The following HHAT variants were observed in gnomAD, a reference collection of about 807,000 sequenced individuals.
HHAT encodes hedgehog acyltransferase.
Under a neutral mutation model 70.8 loss-of-function variants are expected in HHAT, and 47 were observed. The ratio of observed to expected loss-of-function variants is 0.66; its 90% CI spans 0.53 to 0.85. HHAT has a LOEUF of 0.85. HHAT is among the 40% of genes least tolerant of loss of function. The pLI, the probability that HHAT is intolerant of heterozygous loss-of-function variation, is 0.00. For synonymous variants in HHAT, 228 were observed against 247.6 expected, an observed-to-expected ratio of 0.92 and a Z score of 0.74; for missense variants, 609 against 604.8, an observed-to-expected ratio of 1.01 and a Z score of -0.07.
chr1:210,673,588 CT>C (rs71571962), intron 11 of HHAT, among the ~76,000 whole-genome samples: 115,798 of 140,834 alleles, frequency 0.82, 47,741 homozygotes, highest in African/African-American at 0.91. Flanking sequence ...GTGGATTCTT[CT>C]TTTTTTTTTT....
intron 8 of HHAT, among the ~76,000 whole-genome samples, chr1:210,475,962 C>A (rs1349828039): frequency 2.0e-5 from 3 of 152,192 alleles, no homozygotes; most frequent in Non-Finnish European, 2.9e-5. Flanking sequence ...ATCAGAGACA[C>A]TGATATGTCC....
rs565693074 is a variant in HHAT at position 210,418,795 on chromosome 1, G to C, written c.856+470G>C. Among the ~76,000 whole-genome samples, 267 of 152,296 alleles carry C rather than the reference G, an allele frequency of 1.8e-3. 3 individuals are homozygous for C. The highest frequency in any genetic ancestry group is 6.1e-3 in the African/African-American group (255 of 41,560). ...TGCCTGTAATCCAAGCACTTTGGGA[G>C]GCTGAAGCGGGCAGATCACTTGAGG... On this transcript the variant is annotated intron_variant, in intron 7 of 11. Transcript: ENST00000261458.
At chr1:210,613,414 T>C (rs536696112) in intron 10 of HHAT, among the ~76,000 whole-genome samples, 8 of 152,356 alleles carry the variant, frequency 5.3e-5, no homozygotes, top group African/African-American at 1.9e-4. Context: ...TTTGGCCTTG[T>C]TGAAAACTAT....
At position 210,572,517 on chromosome 1, in the gene HHAT, A is replaced by C. The variant is rs1438593038; in HGVS notation, c.1044-15381A>C. On this transcript the variant is annotated intron_variant, in intron 9 of 11. Transcript: ENST00000261458. The stretch of plus-strand genomic sequence containing the variant: ...CATTTTCATTTCCAGTGTGTATTTA[A>C]GAAAGCCCAGGATACAATAGAAACG... Among the ~76,000 whole-genome samples the C allele has an allele frequency of 3.9e-5, 6 of 152,290 alleles. No homozygotes were observed. The East Asian group carries it at 1.2e-3, about 29-fold the overall frequency.
intron 7 of HHAT, 150 bp from the exon 8 acceptor site, chr1:210,464,355 G>A (rs1469686958): frequency 1.3e-6 from 1 of 754,142 alleles, no homozygotes; most frequent in Non-Finnish European, 2.3e-6. Flanking sequence ...TAAAACCAGT[G>A]TGGAATACTT....
At chr1:210,382,739 T>C (rs759610563) in intron 3 of HHAT, among the ~76,000 whole-genome samples, 1 of 152,342 alleles carries the variant, frequency 6.6e-6, no homozygotes, top group Middle Eastern at 3.4e-3. Context: ...GTGAGTATTT[T>C]GTGCATGTCA....
chr1:210,450,294 TG>T (rs11412055), intron 7 of HHAT, among the ~76,000 whole-genome samples: 2,821 of 144,702 alleles, frequency 0.019, 78 homozygotes, highest in African/African-American at 0.067. Flanking sequence ...GCGTCTCAGG[TG>T]GGGGGGGTGG....
chr1:210,619,636 C>T (rs908471382), intron 10 of HHAT, among the ~76,000 whole-genome samples: 1 of 152,170 alleles, frequency 6.6e-6, no homozygotes, highest in South Asian at 2.1e-4. Context: ...CCGTCCTGCA[C>T]ATTGCCGTGC....
At chr1:210,510,949 C>A (rs1390531245) in intron 8 of HHAT, among the ~76,000 whole-genome samples, 1 of 152,140 alleles carries the variant, frequency 6.6e-6, no homozygotes, top group African/African-American at 2.4e-5. Context: ...TGAAAAGGCT[C>A]TACAAGCTTT....
At chr1:210,454,038 T>C (rs889520398) in intron 7 of HHAT, among the ~76,000 whole-genome samples, 7 of 152,186 alleles carry the variant, frequency 4.6e-5, no homozygotes, top group Non-Finnish European at 1.0e-4. Context: ...CAGAAACCCC[T>C]GTTAAACCCA....
intron 11 of HHAT, among the ~76,000 whole-genome samples, chr1:210,662,275 T>C (rs1677898611): frequency 6.6e-6 from 1 of 152,182 alleles, no homozygotes; most frequent in Admixed American, 6.5e-5. Flanking sequence ...AGACTGCCTA[T>C]GGCAAGAATC....
At chr1:210,602,558 T>G (rs1039559034) in intron 10 of HHAT, among the ~76,000 whole-genome samples, 3 of 152,134 alleles carry the variant, frequency 2.0e-5, no homozygotes, top group African/African-American at 7.2e-5. Flanking sequence ...GAAGGGCGGT[T>G]AGAGAGGCCA....
intron 11 of HHAT, among the ~76,000 whole-genome samples, chr1:210,663,480 C>T (rs1678211707): frequency 6.6e-6 from 1 of 152,152 alleles, no homozygotes; most frequent in African/African-American, 2.4e-5. Context: ...AGCGTTTAGA[C>T]CTTGGGAAAG....
chr1:210,386,582 G>A (rs546358028), intron 3 of HHAT, among the ~76,000 whole-genome samples: 1 of 152,250 alleles, frequency 6.6e-6, no homozygotes, highest in South Asian at 2.1e-4. Flanking sequence ...AGAAAATTCT[G>A]AGACCTCAAA....
intron 10 of HHAT, among the ~76,000 whole-genome samples, chr1:210,594,581 T>C (rs1662513959): frequency 6.6e-6 from 1 of 152,214 alleles, no homozygotes; most frequent in African/African-American, 2.4e-5. Flanking sequence ...ATGAGTAGTT[T>C]GTAGGCCACA....
chr1:210,517,653 T>C (rs1354928297), intron 9 of HHAT, among the ~76,000 whole-genome samples: 1 of 152,186 alleles, frequency 6.6e-6, no homozygotes, highest in Non-Finnish European at 1.5e-5. Context: ...TAGCTAATAA[T>C]GATGTTTTCT....
At position 210,572,772 on chromosome 1, in the gene HHAT, C is replaced by T. The variant is rs970436127; in HGVS notation, c.1044-15126C>T. ...TGTAGCTGGGCATGGTGTGTGTACT[C>T]GCGGTCCCAGCTACTCAGAAGGCCG... On this transcript the variant is annotated intron_variant, in intron 9 of 11. Transcript: ENST00000261458. Among the ~76,000 whole-genome samples the T allele has an allele frequency of 7.2e-5, 11 of 151,956 alleles. 1 individual carries two copies. Among genetic ancestry groups the T allele is most frequent in the South Asian group, 4.2e-4 (2 of 4,808 alleles).
At chr1:210,627,019 G>A (rs76352598) in intron 11 of HHAT, among the ~76,000 whole-genome samples, 16,612 of 152,182 alleles carry the variant, frequency 0.11, 987 homozygotes, top group South Asian at 0.17. Flanking sequence ...GAGTGAGAAC[G>A]CTGACTTTAG....
At chr1:210,630,319 G>C (rs953293425) in intron 11 of HHAT, among the ~76,000 whole-genome samples, 2 of 152,118 alleles carry the variant, frequency 1.3e-5, no homozygotes, top group Non-Finnish European at 2.9e-5. Context: ...TAGAGGAGCC[G>C]TTACTCAGCC....
Sources: gnomAD v4.1 joint callset for allele counts (sites outside exome capture counted in the v4.1 genomes callset) on GRCh38, gnomAD v4.1.1 for gene constraint, MANE v1.5 for transcripts, NCBI Gene and HGNC (gene_info 2026-07-23, HGNC 2026-07-21) for gene names.